The following GNA14 variants were observed in gnomAD, a reference collection of about 807,000 sequenced individuals.
GNA14 encodes guanine nucleotide-binding protein subunit alpha-14.
Under a neutral mutation model 42.0 loss-of-function variants are expected in GNA14, and 50 were observed. The observed-to-expected ratio is 1.19, with a 90% confidence interval of 0.95 to 1.51. The LOEUF (loss-of-function observed/expected upper bound fraction) is 1.51, where lower values mean the gene tolerates loss of function less well. Ranked by LOEUF, GNA14 falls within the 40% of genes most tolerant of loss-of-function variation. The pLI is 0.00. For synonymous variants in GNA14, 173 were observed against 163.1 expected (o/e 1.06, Z -0.46); for missense variants, 473 against 446.2 (o/e 1.06, Z -0.54).
At chr9:77,633,346 T>C (rs571890070) in intron 1 of GNA14, among the ~76,000 whole-genome samples, 166 of 152,168 alleles carry the variant, frequency 1.1e-3, no homozygotes, top group Admixed American at 2.3e-3. Flanking sequence ...GATTGGCATG[T>C]GCAGAGGCCT....
At position 77,498,394 on chromosome 9, in the gene GNA14, A is replaced by AAAG. The variant is rs1836910860; in HGVS notation, c.309+30674_309+30675insCTT. ...GTCTCAAAAAAAAAAAAAAAGAAAA[A>AAAG]AAAGAAAAAGAAAACAAGCTGCACC... On this transcript the variant is annotated intron_variant, in intron 2 of 6. Coordinates refer to ENST00000341700, the MANE Select transcript of GNA14 (RefSeq NM_004297.4). 8.8e-5 allele frequency among the ~76,000 whole-genome samples: 13 copies of AAAG among 148,116 alleles called. 1 individual carries two copies. The South Asian group carries it at 2.8e-3, about 31-fold the overall frequency.
intron 2 of GNA14, among the ~76,000 whole-genome samples, chr9:77,512,164 C>T (rs776691424): frequency 1.1e-4 from 16 of 151,838 alleles, no homozygotes; most frequent in Non-Finnish European, 1.9e-4. Flanking sequence ...GGCATGTACA[C>T]AAAAATATTT....
chr9:77,546,019 C>T (rs2131778851), intron 1 of GNA14, among the ~76,000 whole-genome samples: 1 of 152,080 alleles, frequency 6.6e-6, no homozygotes, highest in Admixed American at 6.6e-5. Flanking sequence ...AGTTCGAGAC[C>T]AGCCTGGCCA....
chr9:77,445,873 T>C (rs1228913286), intron 2 of GNA14, among the ~76,000 whole-genome samples: 1 of 152,236 alleles, frequency 6.6e-6, no homozygotes, highest in East Asian at 1.9e-4. Context: ...CTTCCCTTCC[T>C]CCTCTAGTTG....
intron 1 of GNA14, among the ~76,000 whole-genome samples, chr9:77,640,190 C>A (rs1029355361): frequency 6.6e-6 from 1 of 152,350 alleles, no homozygotes; most frequent in Admixed American, 6.5e-5. Context: ...GTCCCCTAAC[C>A]CAACTGCCCT....
intron 2 of GNA14, among the ~76,000 whole-genome samples, chr9:77,451,140 A>C (rs1835894866): frequency 6.6e-6 from 1 of 152,122 alleles, no homozygotes; most frequent in Non-Finnish European, 1.5e-5. Flanking sequence ...CGTGTGTCAG[A>C]CTAGCTTCCT....
intron 2 of GNA14, among the ~76,000 whole-genome samples, chr9:77,440,071 A>G (rs1309566729): frequency 6.6e-6 from 1 of 152,258 alleles, no homozygotes; most frequent in Non-Finnish European, 1.5e-5. Flanking sequence ...AGTAAATATT[A>G]TAGGAGCAAA....
chr9:77,638,630 C>T (rs146646851), intron 1 of GNA14, among the ~76,000 whole-genome samples: 2 of 152,272 alleles, frequency 1.3e-5, no homozygotes, highest in African/African-American at 4.8e-5. Context: ...GGAGAATGAC[C>T]CTGTGTACAT....
intron 1 of GNA14, among the ~76,000 whole-genome samples, chr9:77,529,549 C>T (rs900460791): frequency 2.6e-5 from 4 of 152,074 alleles, no homozygotes; most frequent in African/African-American, 9.7e-5. Flanking sequence ...TTTGTCACTG[C>T]GAAGATGGCA....
chr9:77,535,857 T>C (rs1837590411), intron 1 of GNA14, among the ~76,000 whole-genome samples: 1 of 150,828 alleles, frequency 6.6e-6, no homozygotes, highest in South Asian at 2.1e-4. Flanking sequence ...ACTGGAATGC[T>C]CAAGCTATTG....
intron 1 of GNA14, among the ~76,000 whole-genome samples, chr9:77,634,418 A>C (rs1277131688): frequency 7.9e-5 from 6 of 75,692 alleles, no homozygotes; most frequent in African/African-American, 3.6e-4. Flanking sequence ...TCTCAAAAAG[A>C]AAAAAAAAAA....
chr9:77,461,082 T>A (rs1836096050), intron 2 of GNA14, among the ~76,000 whole-genome samples: 1 of 152,254 alleles, frequency 6.6e-6, no homozygotes. Context: ...TCACTCATGC[T>A]GATCAGTCAC....
chr9:77,573,769 G>A (rs1475704868), intron 1 of GNA14, among the ~76,000 whole-genome samples: 1 of 152,116 alleles, frequency 6.6e-6, no homozygotes, highest in Non-Finnish European at 1.5e-5. Context: ...ACTACCCTTT[G>A]TTTTTATAAC....
At chr9:77,583,593 C>T (rs1587838179) in intron 1 of GNA14, among the ~76,000 whole-genome samples, 1 of 152,176 alleles carries the variant, frequency 6.6e-6, no homozygotes, top group South Asian at 2.1e-4. Flanking sequence ...GTGTGAGAGA[C>T]ACTGAACAGC....
At chr9:77,494,492 C>T (rs1836838408) in intron 2 of GNA14, among the ~76,000 whole-genome samples, 1 of 151,898 alleles carries the variant, frequency 6.6e-6, no homozygotes, top group Admixed American at 6.6e-5. Flanking sequence ...AAATGACTTC[C>T]AGAAACTCAC....
intron 1 of GNA14, among the ~76,000 whole-genome samples, chr9:77,639,992 C>T (rs1443103680): frequency 6.6e-6 from 1 of 152,212 alleles, no homozygotes; most frequent in Non-Finnish European, 1.5e-5. Flanking sequence ...CTACCTGGCT[C>T]ACAGGGATCC....
chr9:77,428,147 C>T (rs1230192304), intron 5 of GNA14, among the ~76,000 whole-genome samples: 7 of 145,068 alleles, frequency 4.8e-5, no homozygotes, highest in Non-Finnish European at 8.9e-5. Flanking sequence ...GGTGCGATCT[C>T]GGCTCACTGC....
At chr9:77,434,591 C>T in intron 2 of GNA14, 69 bp from the exon 3 acceptor site, 9 of 1,380,912 alleles carry the variant, frequency 6.5e-6, no homozygotes, top group Non-Finnish European at 9.1e-6. Context: ...AATGTCGGTA[C>T]AAGTCTTGCC....
intron 1 of GNA14, among the ~76,000 whole-genome samples, chr9:77,568,919 A>C (rs1028441871): frequency 1.3e-5 from 2 of 152,176 alleles, no homozygotes; most frequent in Non-Finnish European, 2.9e-5. Context: ...TGCAATTTGG[A>C]AAGAGACTGT....
Sources: gnomAD v4.1 joint callset for allele counts (sites outside exome capture counted in the v4.1 genomes callset) on GRCh38, gnomAD v4.1.1 for gene constraint, MANE v1.5 for transcripts, NCBI Gene and HGNC (gene_info 2026-07-23, HGNC 2026-07-21) for gene names.